The following ABCB1 variants were observed in gnomAD, a reference collection of about 807,000 sequenced individuals.
The protein encoded by ABCB1 is ATP-dependent translocase ABCB1.
A neutral mutation model predicts 142.0 loss-of-function variants in ABCB1; 69 were observed. That is an observed-to-expected ratio of 0.49 (90% CI 0.40 to 0.59). The LOEUF is 0.59. Among genes scored for constraint, ABCB1 ranks in the 20% least tolerant of loss-of-function variants. The pLI, the probability that ABCB1 is intolerant of heterozygous loss-of-function variation, is 0.00. For missense variants in ABCB1, 1,326 were observed against 1,554.7 expected (o/e 0.85, Z 2.47); for synonymous variants, 532 against 539.2 (o/e 0.99, Z 0.18).
At chr7:87,711,677 T>C (rs902417984) in intron 1 of ABCB1, among the ~76,000 whole-genome samples, 19 of 152,144 alleles carry the variant, frequency 1.2e-4, no homozygotes, top group African/African-American at 4.6e-4. Context: ...TAAATTTAAA[T>C]TAATTAATAT....
intron 18 of ABCB1, among the ~76,000 whole-genome samples, chr7:87,540,606 C>A (rs1029419325): frequency 1.3e-5 from 2 of 152,076 alleles, no homozygotes; most frequent in Non-Finnish European, 2.9e-5. Flanking sequence ...TGGATCACCA[C>A]GCCCTGTTAA....
In ABCB1 at chr7:87,682,868, G is replaced by A. The variant is rs79219534; in HGVS notation, c.-331+30293C>T. ...CCTGTCCTTTGAAGCGTTAAAGCCA[G>A]GCATTAACTTCTCTTCTTTTACTAT... On this transcript the variant is annotated intron_variant, in intron 1 of 28. Coordinates refer to the ABCB1 transcript ENST00000265724. Among the ~76,000 whole-genome samples the A allele has an allele frequency of 7.0e-3, 1,068 of 152,282 alleles. 9 individuals are homozygous for A. The highest frequency in any genetic ancestry group is 0.049 in the East Asian group (256 of 5,186).
intron 21 of ABCB1, chr7:87,522,366 A>T: frequency 1.4e-6 from 1 of 720,314 alleles, no homozygotes; most frequent in South Asian, 1.3e-5. Context: ...CAAGGTGGCT[A>T]TGGCAGTTCC....
At chr7:87,517,326 A>G (rs28401793) in intron 23 of ABCB1, among the ~76,000 whole-genome samples, 113 of 152,062 alleles carry the variant, frequency 7.4e-4, no homozygotes, top group African/African-American at 2.6e-3. Context: ...GGGGCCTTAT[A>G]TGCTTTGTGA....
intron 4 of ABCB1, among the ~76,000 whole-genome samples, chr7:87,582,332 C>T (rs1818544427): frequency 6.6e-6 from 1 of 152,170 alleles, no homozygotes; most frequent in African/African-American, 2.4e-5. Context: ...CATGATTCCT[C>T]TATATGGAGT....
intron 5 of ABCB1, 112 bp downstream of exon 5, chr7:87,570,060 A>T: frequency 1.1e-6 from 1 of 942,770 alleles, no homozygotes; most frequent in Non-Finnish European, 1.7e-6. Flanking sequence ...AAAAACTATC[A>T]AGAGTATTGT....
At position 87,566,989 on chromosome 7, in the gene ABCB1, A is replaced by G. The variant is rs754124011; in HGVS notation, c.339-13T>C. 6.2e-7 allele frequency: 1 copy of G among 1,612,524 alleles called. No individual in the cohort carries two copies. Among genetic ancestry groups the G allele is most frequent in the East Asian group, 2.2e-5 (1 of 44,882 alleles). On this transcript the variant is annotated splice_polypyrimidine_tract_variant and intron_variant, in intron 5 of 27. Transcript: ENST00000622132. Reference sequence around the variant, plus strand: ...ATAATAGGCATACCTGAAAAACAACAAGAACACTGCACATGCTCTCTGTTT... The same window carrying G: ...ATAATAGGCATACCTGAAAAACAACGAGAACACTGCACATGCTCTCTGTTT...
chr7:87,517,159 G>A (rs187721980), intron 23 of ABCB1, among the ~76,000 whole-genome samples: 37 of 152,160 alleles, frequency 2.4e-4, no homozygotes, highest in African/African-American at 8.7e-4. Context: ...TTGCAAAATG[G>A]CCCATTTTTT....
intron 18 of ABCB1, among the ~76,000 whole-genome samples, 175 bp from the exon 19 acceptor site, chr7:87,539,520 C>A (rs916079172): frequency 6.6e-6 from 1 of 152,142 alleles, no homozygotes; most frequent in East Asian, 1.9e-4. Flanking sequence ...GTGGTGTAGA[C>A]AGAAAAGCCC....
intron 1 of ABCB1, among the ~76,000 whole-genome samples, chr7:87,646,804 G>T (rs1823048410): frequency 6.6e-6 from 1 of 152,134 alleles, no homozygotes; most frequent in African/African-American, 2.4e-5. Flanking sequence ...AAGTTTTCAA[G>T]TCCCTTTTAA....
intron 23 of ABCB1, 66 bp from the exon 24 acceptor site, chr7:87,516,731 CTTTTTTTTTTTTT>C: frequency 2.5e-6 from 2 of 804,614 alleles, no homozygotes; most frequent in South Asian, 3.6e-5. Flanking sequence ...GCTGACACTC[CTTTTTTTTTTTTT>C]TTTTTTTTTT....
intron 14 of ABCB1, 45 bp from the exon 15 acceptor site, chr7:87,546,069 T>C (rs759194613): frequency 3.8e-6 from 6 of 1,587,220 alleles, no homozygotes; most frequent in Admixed American, 1.7e-5. Flanking sequence ...AACAATTACC[T>C]GAAGAAACTT....
Position 87,688,637 on chromosome 7 carries a change from T to G in ABCB1, c.-331+24524A>C, listed in dbSNP as rs1317995100. On this transcript the variant is annotated intron_variant, in intron 1 of 28. Coordinates refer to the ABCB1 transcript ENST00000265724. ...TACATGATTACTGTTGGTAGTTTGT[T>G]ATTTTGTACTTATTTTTCATTTGAG... Among the ~76,000 whole-genome samples the G allele has an allele frequency of 2.0e-5, 3 of 151,960 alleles. No individual in the cohort carries two copies. The East Asian group carries it at 5.8e-4, about 29-fold the overall frequency.
At chr7:87,619,760 GTGTGTA>G (rs888801897) in intron 1 of ABCB1, among the ~76,000 whole-genome samples, 7 of 148,164 alleles carry the variant, frequency 4.7e-5, no homozygotes, top group African/African-American at 1.5e-4. Context: ...GTGTGTGTGT[GTGTGTA>G]TATATATATA....
chr7:87,688,483 T>C (rs1300883476), intron 1 of ABCB1, among the ~76,000 whole-genome samples: 2 of 151,994 alleles, frequency 1.3e-5, no homozygotes, highest in Non-Finnish European at 2.9e-5. Flanking sequence ...TCATGACTTT[T>C]GCCTATTTCT....
chr7:87,667,673 C>A (rs1336011455), intron 1 of ABCB1, among the ~76,000 whole-genome samples: 1 of 151,954 alleles, frequency 6.6e-6, no homozygotes, highest in African/African-American at 2.4e-5. Context: ...ATACCTAGTT[C>A]ACTGAGAGTT....
chr7:87,514,988 G>A (rs1165640850), intron 25 of ABCB1, among the ~76,000 whole-genome samples: 4 of 152,178 alleles, frequency 2.6e-5, no homozygotes, highest in Non-Finnish European at 4.4e-5. Flanking sequence ...GTACAGCAAG[G>A]GAGACAGGTG....
intron 15 of ABCB1, 84 bp from the exon 16 acceptor site, chr7:87,545,083 G>T: frequency 1.6e-6 from 2 of 1,286,336 alleles, no homozygotes; most frequent in Non-Finnish European, 2.2e-6. Context: ...AGCTATCAAG[G>T]AAAACAGCAA....
chr7:87,613,480 T>C (rs1457665192), intron 1 of ABCB1, among the ~76,000 whole-genome samples: 1 of 151,902 alleles, frequency 6.6e-6, no homozygotes, highest in Non-Finnish European at 1.5e-5. Flanking sequence ...CCATCAATGG[T>C]GGACTGAATA....
Sources: gnomAD v4.1 joint callset for allele counts (sites outside exome capture counted in the v4.1 genomes callset) on GRCh38, gnomAD v4.1.1 for gene constraint, MANE v1.5 for transcripts, NCBI Gene and HGNC (gene_info 2026-07-23, HGNC 2026-07-21) for gene names.